NUF2: variants seen among roughly 807,000 people sequenced by gnomAD.
NUF2 encodes NUF2 component of NDC80 kinetochore complex.
A neutral mutation model predicts 61.8 loss-of-function variants in NUF2; 34 were observed. The ratio of observed to expected loss-of-function variants is 0.55; its 90% CI spans 0.42 to 0.73. NUF2 has a LOEUF of 0.73. Ranked by LOEUF, NUF2 falls within the 30% of genes least tolerant of loss-of-function variation. The pLI, the probability that NUF2 is intolerant of heterozygous loss-of-function variation, is 0.00. For missense variants in NUF2, 445 were observed against 539.1 expected, an observed-to-expected ratio of 0.83 and a Z score of 1.73; for synonymous variants, 172 against 181.6, an observed-to-expected ratio of 0.95 and a Z score of 0.42.
At position 163,326,154 on chromosome 1, in the gene NUF2, G is replaced by T; in HGVS notation, c.103G>T (p.Asp35Tyr). 1 of 1,612,734 alleles carries T rather than the reference G, an allele frequency of 6.2e-7. No homozygotes were observed. The highest frequency in any genetic ancestry group is 8.5e-7 in the Non-Finnish European group (1 of 1,179,198). ...TGATGGTAAAAACCTCACCAAGAAT[G>T]ATCTTTATCCAAATCCAAAGGTAAA... ...GADGKNLTKN[D>Y]LYPNPKPEVL... Residue 35 changes from aspartate to tyrosine, a missense_variant, in exon 2 of 14, where the codon GAT (aspartate) becomes TAT (tyrosine). Transcript: ENST00000271452.
chr1:163,328,958 C>T (rs1650514250), intron 5 of NUF2, 51 bp downstream of exon 5: 1 of 881,036 alleles, frequency 1.1e-6, no homozygotes, highest in African/African-American at 1.7e-5. Context: ...TCTACCATTT[C>T]ACCTTTCCAT....
At chr1:163,349,151 A>C in intron 13 of NUF2, 71 bp downstream of exon 13, 1 of 1,324,112 alleles carries the variant, frequency 7.6e-7, no homozygotes. Flanking sequence ...CTGAAACAAA[A>C]CAGCTTACTT....
intron 13 of NUF2, 132 bp from the exon 14 acceptor site, chr1:163,355,203 A>G (rs1485778991): frequency 1.5e-6 from 1 of 658,998 alleles, no homozygotes; most frequent in South Asian, 2.8e-5. Context: ...AGACATGCAC[A>G]TTTGTGTGTG....
rs1314167997 is a variant in NUF2, at chr1:163,328,830, G to C, written c.276-16G>C. 6.5e-7 allele frequency: 1 copy of C among 1,548,122 alleles called. No individual in the cohort carries two copies. The highest frequency in any genetic ancestry group is 8.9e-7 in the Non-Finnish European group (1 of 1,121,154). On this transcript the variant is annotated splice_polypyrimidine_tract_variant and intron_variant, in intron 4 of 13. Coordinates refer to ENST00000271452, the MANE Select transcript of NUF2 (RefSeq NM_145697.3). ...CAAAATACTTTTCAATAGTCTTTTTGTACTTCATCTTCAAGGGACTCATTT... is the reference window on the plus strand; with the variant it reads ...CAAAATACTTTTCAATAGTCTTTTTCTACTTCATCTTCAAGGGACTCATTT...
Position 163,326,144 on chromosome 1 carries a change from C to T in NUF2, c.93C>T (p.Leu31=), listed in dbSNP as rs201426055. 2 of 1,613,010 alleles carry T rather than the reference C, an allele frequency of 1.2e-6. No homozygotes were observed. The highest frequency in any genetic ancestry group is 2.2e-5 in the East Asian group (1 of 44,748). The stretch of plus-strand genomic sequence containing the variant: ...TAACAGGAGCTGATGGTAAAAACCT[C>T]ACCAAGAATGATCTTTATCCAAATC... ...KILTGADGKN[L]TKNDLYPNPK... The change falls in exon 2 of 14, where the codon CTC becomes CTT. Residue 31 remains leucine (L), a synonymous_variant. Transcript: ENST00000271452.
chr1:163,343,091 G>C (rs766197078), intron 9 of NUF2, among the ~76,000 whole-genome samples: 2 of 152,112 alleles, frequency 1.3e-5, no homozygotes, highest in Non-Finnish European at 2.9e-5. Flanking sequence ...CCTTCACTTT[G>C]ATTCTTCAAA....
At chr1:163,345,615 A>G in intron 10 of NUF2, 63 bp from the exon 11 acceptor site, 2 of 1,416,144 alleles carry the variant, frequency 1.4e-6, no homozygotes, top group South Asian at 1.3e-5. Flanking sequence ...AAACAAATTG[A>G]TATTACTGCA....
Position 163,343,845 on chromosome 1 carries a change from C to G in NUF2, c.782C>G (p.Thr261Arg). Reference protein sequence around the residue: ...LKNYKEKMKDTVQKLKNARQE... With the variant: ...LKNYKEKMKDRVQKLKNARQE... ...AATTATAAAGAAAAAATGAAAGATA[C>G]GGTCCAGAAGCTTAAAAATGCCAGA... The change falls in exon 10 of 14, where the codon ACG (threonine) becomes AGG (arginine). Residue 261 changes from threonine (T) to arginine (R), a missense_variant. Physicochemically the swap from Thr to Arg is moderately conservative, Grantham distance 71. Transcript: ENST00000271452. 6.9e-7 allele frequency: 1 copy of G among 1,452,414 alleles called. No individual in the cohort carries two copies. The highest frequency in any genetic ancestry group is 9.1e-7 in the Non-Finnish European group (1 of 1,098,756). The allele number at this position is 1,452,414 out of a possible 1,614,324, so 90.0% of individuals were successfully genotyped here. A position where few individuals can be genotyped will look rare whatever the true frequency, so the allele number is the denominator to read the frequency against.
intron 10 of NUF2, among the ~76,000 whole-genome samples, chr1:163,344,573 G>C (rs1258108867): frequency 7.0e-6 from 1 of 143,424 alleles, no homozygotes; most frequent in African/African-American, 2.5e-5. Flanking sequence ...GTGGGGTAGT[G>C]GGGAGTAAGG....
chr1:163,341,571 TTTC>T (rs1650947737), intron 9 of NUF2, among the ~76,000 whole-genome samples: 1 of 152,094 alleles, frequency 6.6e-6, no homozygotes, highest in Non-Finnish European at 1.5e-5. Context: ...TGCTTAGTGA[TTTC>T]TTGTTATTTC....
intron 12 of NUF2, 59 bp downstream of exon 12, chr1:163,347,997 T>A: frequency 7.9e-7 from 1 of 1,260,374 alleles, no homozygotes; most frequent in Non-Finnish European, 1.1e-6. Context: ...ACAAATACAT[T>A]TTTCCCCCAG....
chr1:163,339,677 T>C (rs536774773), intron 8 of NUF2, among the ~76,000 whole-genome samples, 200 bp downstream of exon 8: 4 of 152,204 alleles, frequency 2.6e-5, no homozygotes, highest in Middle Eastern at 3.4e-3. Context: ...GTTGGCAAAG[T>C]TTTTTGTTGT....
In NUF2 at chr1:163,327,506, A is replaced by G. The variant is rs1205244475; in HGVS notation, c.142A>G (p.Ile48Val). 3 of 1,611,574 alleles carry G rather than the reference A, an allele frequency of 1.9e-6. No homozygotes were observed. In the Admixed American group the frequency reaches 5.0e-5, roughly 27 times the overall value. ...PNPKPEVLHMIYMRALQIVYG... is the reference protein window; with the variant it reads ...PNPKPEVLHMVYMRALQIVYG... ...GCTGTAGCCTGAAGTCTTGCACATGATCTACATGAGAGCCTTACAAATAGT... is the reference window on the plus strand; with the variant it reads ...GCTGTAGCCTGAAGTCTTGCACATGGTCTACATGAGAGCCTTACAAATAGT... The change falls in exon 3 of 14, where the codon ATC becomes GTC. Residue 48 changes from isoleucine (I) to valine (V), a missense_variant. Transcript: ENST00000271452.
chr1:163,327,890 C>T (rs981303807), intron 3 of NUF2: 6 of 359,306 alleles, frequency 1.7e-5, no homozygotes, highest in Non-Finnish European at 3.0e-5. Context: ...ATATTGTTCT[C>T]TTTTCAGGAA....
At chr1:163,350,259 AC>A (rs1288950330) in intron 13 of NUF2, among the ~76,000 whole-genome samples, 5 of 151,330 alleles carry the variant, frequency 3.3e-5, no homozygotes, top group African/African-American at 1.2e-4. Context: ...CTGAGATCGC[AC>A]CACTGCACTC....
rs763321452 is a variant in NUF2, at chr1:163,340,354, T to C, written c.607-10T>C. ...GAATCATTATAAAACGTGTTTGCTT[T>C]TTCCCTTAGATAGTGCTGCAAGAGG... On this transcript the variant is annotated splice_polypyrimidine_tract_variant and intron_variant, in intron 8 of 13. Coordinates refer to ENST00000271452, the MANE Select transcript of NUF2 (RefSeq NM_145697.3). The C allele has an allele frequency of 1.2e-6, 2 of 1,601,780 alleles. No homozygotes were observed. Among genetic ancestry groups the C allele is most frequent in the Admixed American group, 3.4e-5 (2 of 58,072 alleles).
chr1:163,328,512 A>C, intron 4 of NUF2: 1 of 508,758 alleles, frequency 2.0e-6, no homozygotes, highest in Non-Finnish European at 3.4e-6. Flanking sequence ...CATATTTTCA[A>C]TTGAACTTCT....
intron 2 of NUF2, 102 bp downstream of exon 2, chr1:163,326,276 T>C: frequency 1.0e-6 from 1 of 984,922 alleles, no homozygotes; most frequent in Non-Finnish European, 1.5e-6. Flanking sequence ...TCCTATTTGA[T>C]GGAGACCAGT....
intron 13 of NUF2, among the ~76,000 whole-genome samples, chr1:163,352,061 C>G (rs1229636027): frequency 1.3e-5 from 2 of 151,578 alleles, no homozygotes; most frequent in East Asian, 3.9e-4. Context: ...CTTTTTCTCT[C>G]TTTTGCTCAA....
Sources: allele counts gnomAD v4.1 joint callset (sites outside exome capture counted in the v4.1 genomes callset), GRCh38; gene constraint gnomAD v4.1.1; transcripts MANE v1.5; gene names NCBI Gene and HGNC (gene_info 2026-07-23, HGNC 2026-07-21).